The following UBE2H variants were observed in gnomAD, a reference collection of about 807,000 sequenced individuals.
UBE2H encodes ubiquitin-conjugating enzyme E2 H.
Under a neutral mutation model 29.0 loss-of-function variants are expected in UBE2H, and 3 were observed. The observed-to-expected ratio is 0.10, with a 90% CI of 0.05 to 0.27. UBE2H has a LOEUF of 0.27. Among genes scored for constraint, UBE2H ranks in the 10% least tolerant of loss-of-function variants. The pLI, the probability that UBE2H is intolerant of heterozygous loss-of-function variation, is 1.00. For missense variants in UBE2H, 68 were observed against 228.2 expected (o/e 0.30, Z 4.52); for synonymous variants, 69 against 82.9 (o/e 0.83, Z 0.91).
At chr7:129,856,240 G>A (rs1055447465) in intron 5 of UBE2H, among the ~76,000 whole-genome samples, 14 of 152,168 alleles carry the variant, frequency 9.2e-5, no homozygotes, top group Non-Finnish European at 1.3e-4. Flanking sequence ...ACCTACCTCA[G>A]ACCACTAAAA....
chr7:129,877,276 C>A (rs1806164776), intron 3 of UBE2H, among the ~76,000 whole-genome samples: 1 of 152,172 alleles, frequency 6.6e-6, no homozygotes, highest in Non-Finnish European at 1.5e-5. Context: ...AAGAACACTA[C>A]ACCTACCCAG....
At chr7:129,875,413 C>G (rs1388034259) in intron 3 of UBE2H, among the ~76,000 whole-genome samples, 1 of 152,194 alleles carries the variant, frequency 6.6e-6, no homozygotes, top group Non-Finnish European at 1.5e-5. Context: ...TAGGTTGCTT[C>G]TGACTTTTAA....
intron 5 of UBE2H, among the ~76,000 whole-genome samples, chr7:129,840,402 G>A (rs1805407804): frequency 9.9e-5 from 15 of 151,854 alleles, no homozygotes; most frequent in Admixed American, 9.8e-4. Context: ...TGCCCAGGCT[G>A]GTCTTGAACT....
chr7:129,842,705 C>T (rs1177963650), intron 5 of UBE2H, among the ~76,000 whole-genome samples: 1 of 151,632 alleles, frequency 6.6e-6, no homozygotes, highest in Non-Finnish European at 1.5e-5. Flanking sequence ...GAGTTTGAGA[C>T]CAGCTTGGCC....
chr7:129,872,871 AAG>A (rs1806069593), intron 3 of UBE2H, among the ~76,000 whole-genome samples: 1 of 146,334 alleles, frequency 6.8e-6, no homozygotes, highest in East Asian at 2.0e-4. Flanking sequence ...AAAAAAAAAA[AAG>A]AATTATGGCA....
At chr7:129,870,291 A>G (rs1806002626) in intron 3 of UBE2H, among the ~76,000 whole-genome samples, 1 of 151,990 alleles carries the variant, frequency 6.6e-6, no homozygotes, top group Non-Finnish European at 1.5e-5. Context: ...TACAATAAGC[A>G]CTTTAAAATC....
At chr7:129,858,877 G>T in intron 4 of UBE2H, 25 bp downstream of exon 4, 1 of 1,599,916 alleles carries the variant, frequency 6.3e-7, no homozygotes, top group South Asian at 1.1e-5. Flanking sequence ...TGCTAAAATT[G>T]AAACATTTTA....
chr7:129,854,191 G>A (rs1156625889), intron 5 of UBE2H, among the ~76,000 whole-genome samples: 2 of 150,522 alleles, frequency 1.3e-5, no homozygotes, highest in East Asian at 4.0e-4. Context: ...AACCTTCAAT[G>A]CCAGAGGCTT....
rs542294914 is a variant in UBE2H at position 129,859,725 on chromosome 7, G to A, written c.206-784C>T. ...ATGCAAATGGCAATATTCTAAAGCA[G>A]AGATCCATTGTCAAAGGTGTCATTT... On this transcript the variant is annotated intron_variant, in intron 3 of 6. Transcript: ENST00000355621. Among the ~76,000 whole-genome samples the A allele has an allele frequency of 2.0e-5, 3 of 152,318 alleles. No individual in the cohort carries two copies. In the East Asian group the frequency reaches 5.8e-4, roughly 29 times the overall value.
At chr7:129,847,183 T>A (rs1363340290) in intron 5 of UBE2H, among the ~76,000 whole-genome samples, 1 of 152,086 alleles carries the variant, frequency 6.6e-6, no homozygotes, top group Admixed American at 6.5e-5. Context: ...AGTAGCTGGA[T>A]TACAGGTGCA....
In UBE2H at chr7:129,887,934, T is replaced by G. The variant is rs897887166; in HGVS notation, c.54-6963A>C. 2.0e-5 allele frequency among the ~76,000 whole-genome samples: 3 copies of G among 152,144 alleles called. No homozygotes were observed. The East Asian group carries it at 5.8e-4, about 29-fold the overall frequency. On this transcript the variant is annotated intron_variant, in intron 1 of 6. Coordinates refer to ENST00000355621, the MANE Select transcript of UBE2H (RefSeq NM_003344.4). ...AAACAAAAAAACCAAAGACTTTACATTGAAAGAGAAGCATACTCTGCTAAC... is the reference window on the plus strand; with the variant it reads ...AAACAAAAAAACCAAAGACTTTACAGTGAAAGAGAAGCATACTCTGCTAAC...
At chr7:129,938,266 G>A (rs1479648729) in intron 1 of UBE2H, among the ~76,000 whole-genome samples, 1 of 151,764 alleles carries the variant, frequency 6.6e-6, no homozygotes, top group Admixed American at 6.6e-5. Flanking sequence ...ACAAAAATTA[G>A]CTGGGCATGG....
At chr7:129,921,086 A>G (rs1297811040) in intron 1 of UBE2H, among the ~76,000 whole-genome samples, 2 of 151,790 alleles carry the variant, frequency 1.3e-5, no homozygotes, top group African/African-American at 4.8e-5. Flanking sequence ...TGGTGTGCTT[A>G]TGTGTTAGAT....
chr7:129,894,454 A>C (rs1806560725), intron 1 of UBE2H, among the ~76,000 whole-genome samples: 1 of 146,402 alleles, frequency 6.8e-6, no homozygotes. Context: ...TAAATAAATG[A>C]TGTGCTTTTG....
At chr7:129,923,430 A>G (rs1447848583) in intron 1 of UBE2H, among the ~76,000 whole-genome samples, 2 of 152,234 alleles carry the variant, frequency 1.3e-5, no homozygotes, top group Non-Finnish European at 2.9e-5. Flanking sequence ...ATCATTAATC[A>G]TAATTTGAAG....
intron 1 of UBE2H, 81 bp downstream of exon 1, chr7:129,952,422 C>G: frequency 6.4e-7 from 1 of 1,560,576 alleles, no homozygotes; most frequent in South Asian, 1.1e-5. Flanking sequence ...CCCCAGGGCC[C>G]TTGCAGTGGT....
At chr7:129,952,471 A>G in intron 1 of UBE2H, 32 bp downstream of exon 1, 1 of 1,607,992 alleles carries the variant, frequency 6.2e-7, no homozygotes, top group Non-Finnish European at 8.5e-7. Context: ...CGCCCCCCAC[A>G]CACAGCCCGA....
intron 1 of UBE2H, among the ~76,000 whole-genome samples, chr7:129,950,830 A>T (rs1289096925): frequency 6.6e-6 from 1 of 152,226 alleles, no homozygotes; most frequent in Non-Finnish European, 1.5e-5. Flanking sequence ...AGCCTTATGA[A>T]AAGCCAACAT....
At chr7:129,850,396 AC>A (rs1386087497) in intron 5 of UBE2H, among the ~76,000 whole-genome samples, 1 of 152,110 alleles carries the variant, frequency 6.6e-6, no homozygotes, top group Admixed American at 6.6e-5. Context: ...AGGAATTCAA[AC>A]ACTCAAAGAA....
Sources: gnomAD v4.1 joint callset for allele counts (sites outside exome capture counted in the v4.1 genomes callset) on GRCh38, gnomAD v4.1.1 for gene constraint, MANE v1.5 for transcripts, NCBI Gene and HGNC (gene_info 2026-07-23, HGNC 2026-07-21) for gene names.